The following TECRL variants were observed in gnomAD, a reference collection of about 807,000 sequenced individuals.
TECRL encodes trans-2,3-enoyl-CoA reductase like.
Under a neutral mutation model 52.8 loss-of-function variants are expected in TECRL, and 63 were observed. The ratio of observed to expected loss-of-function variants is 1.19; its 90% CI spans 0.97 to 1.47. The LOEUF (loss-of-function observed/expected upper bound fraction) is 1.47. Among genes scored for constraint, TECRL ranks in the 40% most tolerant of loss-of-function variants. TECRL has a pLI of 0.00. For missense variants in TECRL, 482 were observed against 429.6 expected (o/e 1.12, Z -1.08); for synonymous variants, 164 against 141.9 (o/e 1.16, Z -1.10).
At chr4:64,371,547 G>A (rs561693103) in intron 2 of TECRL, among the ~76,000 whole-genome samples, 49 of 151,318 alleles carry the variant, frequency 3.2e-4, no homozygotes, top group African/African-American at 8.7e-4. Context: ...GCAGACCTTC[G>A]CTTTATCAAT....
At chr4:64,287,804 A>C (rs886541231) in intron 9 of TECRL, among the ~76,000 whole-genome samples, 1 of 152,182 alleles carries the variant, frequency 6.6e-6, no homozygotes, top group Non-Finnish European at 1.5e-5. Context: ...GTCTATGGAA[A>C]TGATGTTAGA....
rs11935568 is a variant in TECRL at position 64,299,943 on chromosome 4, G to A, written c.774+31C>T. 1,345,443 of 1,423,818 alleles carry A rather than the reference G, an allele frequency of 0.94. 636,256 individuals carry two copies. The highest frequency in any genetic ancestry group is 1 in the East Asian group (40,041 of 40,114). The allele number at this position is 1,423,818 out of a possible 1,614,324, so 88.2% of individuals were successfully genotyped here. On this transcript the variant is annotated intron_variant, in intron 8 of 11. Transcript: ENST00000381210. ...TTCTTAATAATACCAAAATTAGAGC[G>A]TGAATAGCAAAATATATATATGATA...
intron 1 of TECRL, among the ~76,000 whole-genome samples, chr4:64,394,357 A>G (rs1034188791): frequency 1.3e-5 from 2 of 152,154 alleles, no homozygotes; most frequent in African/African-American, 2.4e-5. Context: ...ATTTTTAAAC[A>G]TTAATTTTAT....
At chr4:64,313,977 C>CAAA (rs752037972) in intron 5 of TECRL, among the ~76,000 whole-genome samples, 34 of 61,938 alleles carry the variant, frequency 5.5e-4, no homozygotes, top group South Asian at 6.8e-4. Context: ...ACTAAAAATA[C>CAAA]AAAAAAAAAA....
intron 2 of TECRL, among the ~76,000 whole-genome samples, chr4:64,354,300 GGA>G (rs1388178380): frequency 6.6e-6 from 1 of 152,004 alleles, no homozygotes; most frequent in Non-Finnish European, 1.5e-5. Flanking sequence ...ATATGGAGAG[GGA>G]AATCATAGCA....
chr4:64,322,721 T>C lies in TECRL; in HGVS notation c.403A>G (p.Thr135Ala), dbSNP rs147211586. 3.3e-5 allele frequency: 54 copies of C among 1,612,248 alleles called. No individual in the cohort carries two copies. The African/African-American group carries it at 6.3e-4, about 19-fold the overall frequency. Residue 135 changes from threonine to alanine, a missense_variant, in exon 4 of 12, where the codon ACA (threonine) becomes GCA (alanine). Thr to Ala is a moderately conservative substitution (Grantham distance 58, BLOSUM62 0). Transcript: ENST00000381210. ...AASSIVTLYATDLGQQVSWTT... is the reference protein window; with the variant it reads ...AASSIVTLYAADLGQQVSWTT... The stretch of plus-strand genomic sequence containing the variant: ...CAACTGACTTGTTGACCTAGGTCTG[T>C]AGCATACAGTGTGACAATGGAGGAA...
chr4:64,357,669 T>TA (rs1172324562), intron 2 of TECRL, among the ~76,000 whole-genome samples: 1 of 151,532 alleles, frequency 6.6e-6, no homozygotes, highest in African/African-American at 2.4e-5. Context: ...AAATTATAGA[T>TA]ACTCAGATAT....
intron 2 of TECRL, among the ~76,000 whole-genome samples, chr4:64,346,335 C>T (rs554541061): frequency 3.3e-5 from 5 of 152,290 alleles, no homozygotes; most frequent in East Asian, 1.9e-4. Flanking sequence ...GTGGTGGCTC[C>T]GACCCCACAT....
At position 64,375,246 on chromosome 4, in the gene TECRL, G is replaced by GT. The variant is rs768730426; in HGVS notation, c.235-24dup. The GT allele has an allele frequency of 7.8e-5, 99 of 1,264,374 alleles. 1 individual carries two copies. Among genetic ancestry groups the GT allele is most frequent in the Non-Finnish European group, 9.6e-5 (91 of 951,910 alleles). 78.3% of individuals were successfully genotyped at this position (1,264,374 alleles called of 1,614,324 possible). A position where few individuals can be genotyped will look rare whatever the true frequency, so the allele number is the denominator to read the frequency against. ...CACCTGAAAAGGAAAAGAAAATAGA[G>GT]TTATTTTTAAAAACTGTTAATTTGT... On this transcript the variant is annotated intron_variant, in intron 1 of 11. Coordinates refer to ENST00000381210, the MANE Select transcript of TECRL (RefSeq NM_001010874.5).
At chr4:64,373,621 T>C (rs1384578246) in intron 2 of TECRL, among the ~76,000 whole-genome samples, 4 of 151,864 alleles carry the variant, frequency 2.6e-5, no homozygotes, top group Non-Finnish European at 2.9e-5. Context: ...TCGACTTTGA[T>C]TCATGTACCC....
At chr4:64,377,297 G>A (rs1042355857) in intron 1 of TECRL, among the ~76,000 whole-genome samples, 4 of 151,944 alleles carry the variant, frequency 2.6e-5, no homozygotes, top group African/African-American at 9.7e-5. Flanking sequence ...CCACAGGATT[G>A]TACTTGATCT....
chr4:64,296,234 T>C (rs906271331), intron 8 of TECRL, among the ~76,000 whole-genome samples: 3 of 151,852 alleles, frequency 2.0e-5, no homozygotes, highest in Non-Finnish European at 2.9e-5. Flanking sequence ...GTTTATATAG[T>C]AGGGACTTGC....
chr4:64,393,805 G>A (rs535745477), intron 1 of TECRL, among the ~76,000 whole-genome samples: 25 of 151,944 alleles, frequency 1.6e-4, no homozygotes, highest in Non-Finnish European at 3.4e-4. Context: ...AAGAAGGTCA[G>A]AGTCCCAGTT....
chr4:64,389,288 C>T (rs933273670), intron 1 of TECRL, among the ~76,000 whole-genome samples: 2 of 151,740 alleles, frequency 1.3e-5, no homozygotes, highest in African/African-American at 4.8e-5. Context: ...GAGGAAGTTC[C>T]CCCTCTATTC....
intron 1 of TECRL, among the ~76,000 whole-genome samples, chr4:64,395,785 ATAG>A (rs1255280816): frequency 6.6e-6 from 1 of 152,166 alleles, no homozygotes; most frequent in Non-Finnish European, 1.5e-5. Flanking sequence ...GGTAATAAAC[ATAG>A]TAGCCAATAG....
intron 6 of TECRL, among the ~76,000 whole-genome samples, chr4:64,309,245 C>A (rs569921226): frequency 2.6e-5 from 4 of 152,200 alleles, no homozygotes; most frequent in African/African-American, 9.6e-5. Context: ...ACAGACAAAC[C>A]TTTTTCTGAA....
intron 9 of TECRL, among the ~76,000 whole-genome samples, chr4:64,283,944 C>A (rs1348220332): frequency 6.6e-6 from 1 of 152,010 alleles, no homozygotes; most frequent in Non-Finnish European, 1.5e-5. Context: ...GCCACTACAA[C>A]TAGGGTTATA....
intron 4 of TECRL, among the ~76,000 whole-genome samples, chr4:64,321,727 G>A (rs558485290): frequency 2.6e-5 from 4 of 151,928 alleles, no homozygotes; most frequent in Admixed American, 6.6e-5. Flanking sequence ...TTTCAATGTC[G>A]TCCTCATTCA....
chr4:64,361,686 C>T (rs749008113), intron 2 of TECRL, among the ~76,000 whole-genome samples: 54 of 149,868 alleles, frequency 3.6e-4, no homozygotes, highest in Non-Finnish European at 7.1e-4. Context: ...CTCAAGGTCA[C>T]CAAAGAACAC....
Sources: allele counts gnomAD v4.1 joint callset (sites outside exome capture counted in the v4.1 genomes callset), GRCh38; gene constraint gnomAD v4.1.1; transcripts MANE v1.5; gene names NCBI Gene and HGNC (gene_info 2026-07-23, HGNC 2026-07-21).